The following DAZL variants were observed in gnomAD, a reference collection of about 807,000 sequenced individuals.
The protein encoded by DAZL is deleted in azoospermia-like.
Under a neutral mutation model 45.0 loss-of-function variants are expected in DAZL, and 4 were observed. The ratio of observed to expected loss-of-function variants is 0.09; its 90% CI spans 0.04 to 0.20. The LOEUF is 0.20. Ranked by LOEUF, DAZL falls within the 10% of genes least tolerant of loss-of-function variation. DAZL has a pLI of 1.00. For synonymous variants in DAZL, 122 were observed against 112.4 expected, an observed-to-expected ratio of 1.09 and a Z score of -0.54; for missense variants, 326 against 351.3, an observed-to-expected ratio of 0.93 and a Z score of 0.58.
Position 16,598,375 on chromosome 3 carries a change from CCTT to C in DAZL, c.150+74_150+76del, listed in dbSNP as rs547786866. On this transcript the variant is annotated intron_variant, in intron 2 of 10. Coordinates refer to ENST00000399444, the MANE Select transcript of DAZL (RefSeq NM_001351.4). ...TAAACCTCCATGAAGTACAAAAAAA[CCTT>C]AAGTTTGTAACAGGGCCCAAATCCC... The C allele has an allele frequency of 7.0e-4, 1,105 of 1,575,296 alleles. 5 individuals carry two copies. The African/African-American group carries it at 0.012, about 17-fold the overall frequency.
intron 10 of DAZL, among the ~76,000 whole-genome samples, chr3:16,589,026 T>G (rs781093036): frequency 5.9e-5 from 9 of 152,186 alleles, no homozygotes; most frequent in African/African-American, 1.2e-4. Context: ...TTTGCAGTAA[T>G]GTCCCAAAGA....
At position 16,594,600 on chromosome 3, in the gene DAZL, A is replaced by AT; in HGVS notation, c.571-18_571-17insA. On this transcript the variant is annotated splice_polypyrimidine_tract_variant and intron_variant, in intron 7 of 10. Transcript: ENST00000399444. Reference sequence around the variant, plus strand: ...TGGTGGCATCTTAAAAAAAAAAAAAAGGAAACCAAAATTATTCAAATATTC... The same window carrying AT: ...TGGTGGCATCTTAAAAAAAAAAAAAATGGAAACCAAAATTATTCAAATATTC... 1 of 1,425,476 alleles carries AT rather than the reference A, an allele frequency of 7.0e-7. No homozygotes were observed. 88.3% of individuals were successfully genotyped at this position (1,425,476 alleles called of 1,614,324 possible).
At chr3:16,604,453 G>A (rs1041635602) in intron 1 of DAZL, 53 of 1,532,888 alleles carry the variant, frequency 3.5e-5, no homozygotes, top group Non-Finnish European at 4.5e-5. Context: ...GTGCGGCAAA[G>A]ATGGCGTCAG....
Position 16,605,139 on chromosome 3 carries a change from C to T in DAZL, c.3+64G>A, listed in dbSNP as rs535037330. 2.5e-6 allele frequency: 4 copies of T among 1,606,960 alleles called. No homozygotes were observed. In the East Asian group the frequency reaches 6.7e-5, roughly 27 times the overall value. ...GACTTCACTTTCCGACCCTGCAGAG[C>T]CGAGTTTCACCCACGAGTGAAGACT... On this transcript the variant is annotated intron_variant, in intron 1 of 10. Coordinates refer to ENST00000399444, the MANE Select transcript of DAZL (RefSeq NM_001351.4).
intron 10 of DAZL, among the ~76,000 whole-genome samples, chr3:16,590,027 T>G (rs2125043232): frequency 6.6e-6 from 1 of 152,300 alleles, no homozygotes; most frequent in South Asian, 2.1e-4. Context: ...AAGCTGTGAT[T>G]GTTACACTGC....
chr3:16,594,303 T>C (rs1007221925), intron 8 of DAZL, among the ~76,000 whole-genome samples: 1 of 152,128 alleles, frequency 6.6e-6, no homozygotes, highest in Non-Finnish European at 1.5e-5. Context: ...TATCATTATG[T>C]GGACCAGCCA....
intron 3 of DAZL, 124 bp from the exon 4 acceptor site, chr3:16,597,665 T>C (rs1490523324): frequency 1.7e-5 from 12 of 699,014 alleles, no homozygotes; most frequent in African/African-American, 1.4e-4. Flanking sequence ...ATATTTAAGA[T>C]GTACATGATA....
intron 1 of DAZL, among the ~76,000 whole-genome samples, chr3:16,601,497 T>A (rs1694688824): frequency 6.6e-6 from 1 of 152,220 alleles, no homozygotes; most frequent in African/African-American, 2.4e-5. Flanking sequence ...ACGGCTTGAT[T>A]AGCAAGGGTT....
chr3:16,588,542 C>T lies in DAZL; in HGVS notation c.*118G>A, dbSNP rs1046597581. 2 of 804,064 alleles carry T rather than the reference C, an allele frequency of 2.5e-6. No individual in the cohort carries two copies. The highest frequency in any genetic ancestry group is 1.7e-5 in the African/African-American group (1 of 59,026). The allele number at this position is 804,064 out of a possible 1,614,324, so 49.8% of individuals were successfully genotyped here. On this transcript the variant is annotated 3_prime_UTR_variant, in exon 11 of 11. Coordinates refer to ENST00000399444, the MANE Select transcript of DAZL (RefSeq NM_001351.4). ...AAAACTAGAGAGTCTAATAATACAACTTATACACAAAGTTTGAGTGTGATT... is the reference window on the plus strand; with the variant it reads ...AAAACTAGAGAGTCTAATAATACAATTTATACACAAAGTTTGAGTGTGATT...
At chr3:16,604,667 C>T (rs1047228702) in intron 1 of DAZL, 103 of 1,359,026 alleles carry the variant, frequency 7.6e-5, no homozygotes, top group African/African-American at 2.5e-4. Context: ...GAACCACTTC[C>T]TAAGGAAGCT....
chr3:16,597,094 C>A (rs1270019283), intron 4 of DAZL, 43 bp from the exon 5 acceptor site: 1 of 1,576,526 alleles, frequency 6.3e-7, no homozygotes, highest in Non-Finnish European at 8.7e-7. Context: ...ATTTTCAAGT[C>A]TTTACTTCCA....
At chr3:16,596,916 C>A (rs201814275) in intron 5 of DAZL, 27 bp from the exon 6 acceptor site, 496 of 1,613,486 alleles carry the variant, frequency 3.1e-4, no homozygotes, top group Non-Finnish European at 3.9e-4. Context: ...AAGAAAAGGC[C>A]TATTTTTAGT....
In DAZL at chr3:16,588,078, C is replaced by T. The variant is rs1694464431; in HGVS notation, c.*582G>A. On this transcript the variant is annotated 3_prime_UTR_variant, in exon 11 of 11. Transcript: ENST00000399444. Reference sequence around the variant, plus strand: ...TAAAAGATAAAATATTTTGAATAAACATATGACCCACTGATTGGACTGTTC... The same window carrying T: ...TAAAAGATAAAATATTTTGAATAAATATATGACCCACTGATTGGACTGTTC... 1 of 157,122 alleles carries T rather than the reference C, an allele frequency of 6.4e-6. No individual in the cohort carries two copies. Among genetic ancestry groups the T allele is most frequent in the African/African-American group, 2.4e-5 (1 of 41,476 alleles). The allele number at this position is 157,122 out of a possible 1,614,324, so 9.7% of individuals were successfully genotyped here. A position where few individuals can be genotyped will look rare whatever the true frequency, so the allele number is the denominator to read the frequency against.
At chr3:16,604,742 G>T in intron 1 of DAZL, 1 of 1,365,000 alleles carries the variant, frequency 7.3e-7, no homozygotes, top group Non-Finnish European at 9.4e-7. Context: ...CGGAGCCACG[G>T]GGAGAGCGCG....
At chr3:16,589,214 G>T (rs1194057455) in intron 10 of DAZL, among the ~76,000 whole-genome samples, 1 of 152,072 alleles carries the variant, frequency 6.6e-6, no homozygotes, top group Non-Finnish European at 1.5e-5. Context: ...TTATTCTTTA[G>T]AAAGAAAGAG....
chr3:16,595,374 A>G lies in DAZL; in HGVS notation c.510T>C (p.Thr170=). ...TGACCTGAACTGGTGAATTTGGGTAAGTAGGATATGCCTGAAAATCAAGTT... is the reference window on the plus strand; with the variant it reads ...TGACCTGAACTGGTGAATTTGGGTAGGTAGGATATGCCTGAAAATCAAGTT... The part of the protein sequence containing the change: ...PITQYVQAYP[T]YPNSPVQVIT... Residue 170 remains threonine (T), a synonymous_variant, in exon 7 of 11, where the codon ACT becomes ACC. Transcript: ENST00000399444. 6.3e-7 allele frequency: 1 copy of G among 1,577,656 alleles called. No homozygotes were observed. Among genetic ancestry groups the G allele is most frequent in the Non-Finnish European group, 8.7e-7 (1 of 1,154,774 alleles).
chr3:16,587,017 T>C lies in DAZL; in HGVS notation c.*1643A>G, dbSNP rs1370352257. On this transcript the variant is annotated 3_prime_UTR_variant, in exon 11 of 11. Transcript: ENST00000399444. ...AATAATTAGAAGTAGCTCTTTAGAA[T>C]ATAGATATCATTTATAGTAAGCTGG... 2 of 152,158 alleles carry C rather than the reference T, an allele frequency of 1.3e-5. No individual in the cohort carries two copies. The highest frequency in any genetic ancestry group is 1.9e-4 in the East Asian group (1 of 5,206). The allele number at this position is 152,158 out of a possible 1,614,324, so 9.4% of individuals were successfully genotyped here. A position where few individuals can be genotyped will look rare whatever the true frequency, so the allele number is the denominator to read the frequency against.
chr3:16,594,645 C>T, intron 7 of DAZL, 62 bp from the exon 8 acceptor site: 5 of 1,135,750 alleles, frequency 4.4e-6, no homozygotes, highest in South Asian at 1.5e-5. Flanking sequence ...TTCAAAAACA[C>T]ACGAGATACA....
chr3:16,602,210 T>G (rs964227298), intron 1 of DAZL, among the ~76,000 whole-genome samples: 5 of 152,088 alleles, frequency 3.3e-5, no homozygotes, highest in Admixed American at 3.3e-4. Context: ...ATATGAGACC[T>G]GAGAAATGGG....
Sources: gnomAD v4.1 joint callset for allele counts (sites outside exome capture counted in the v4.1 genomes callset) on GRCh38, gnomAD v4.1.1 for gene constraint, MANE v1.5 for transcripts, NCBI Gene and HGNC (gene_info 2026-07-23, HGNC 2026-07-21) for gene names.